The following CCDC149 variants were observed in gnomAD, a reference collection of about 807,000 sequenced individuals.
CCDC149 encodes coiled-coil domain containing 149, also known as coiled-coil domain-containing protein 149.
CCDC149 carries 45 observed loss-of-function variants against 59.9 expected under a neutral mutation model. The observed-to-expected ratio is 0.75, with a 90% CI of 0.59 to 0.96. The LOEUF (loss-of-function observed/expected upper bound fraction) is 0.96. Among genes scored for constraint, CCDC149 ranks in the 40% least tolerant of loss-of-function variants. The pLI is 0.00. For synonymous variants in CCDC149, 245 were observed against 260.6 expected (o/e 0.94, Z 0.58); for missense variants, 584 against 664.7 (o/e 0.88, Z 1.33).
At chr4:24,938,631 A>G (rs1488447931) in intron 1 of CCDC149, among the ~76,000 whole-genome samples, 3 of 152,226 alleles carry the variant, frequency 2.0e-5, no homozygotes, top group Non-Finnish European at 4.4e-5. Context: ...GGGTCAGGGA[A>G]TTCCCTTTCC....
chr4:24,828,064 G>T (rs1715876650), intron 9 of CCDC149: 1 of 151,952 alleles, frequency 6.6e-6, no homozygotes, highest in African/African-American at 2.4e-5. Context: ...CATTCCATTT[G>T]TAGTATAATT....
intron 1 of CCDC149, among the ~76,000 whole-genome samples, chr4:24,975,645 G>A (rs1724154540): frequency 6.6e-6 from 1 of 151,706 alleles, no homozygotes; most frequent in African/African-American, 2.4e-5. Flanking sequence ...TGGGGCTTGG[G>A]TCCATGCCCA....
intron 9 of CCDC149, among the ~76,000 whole-genome samples, chr4:24,825,835 A>T (rs1577385439): frequency 6.6e-6 from 1 of 152,092 alleles, no homozygotes; most frequent in East Asian, 1.9e-4. Context: ...AGCTAAGTGG[A>T]AGACGAATCT....
At chr4:24,938,806 C>T (rs1026233605) in intron 1 of CCDC149, among the ~76,000 whole-genome samples, 1 of 152,242 alleles carries the variant, frequency 6.6e-6, no homozygotes, top group African/African-American at 2.4e-5. Flanking sequence ...GTTAGCACAG[C>T]AGTCTGAGAT....
At chr4:24,973,926 C>T (rs1228416776) in intron 1 of CCDC149, among the ~76,000 whole-genome samples, 2 of 152,252 alleles carry the variant, frequency 1.3e-5, no homozygotes, top group Admixed American at 6.5e-5. Context: ...GTTCCCCTTG[C>T]AGTCCCCGAG....
At chr4:24,933,905 G>A (rs1436925258) in intron 1 of CCDC149, among the ~76,000 whole-genome samples, 1 of 152,174 alleles carries the variant, frequency 6.6e-6, no homozygotes, top group Non-Finnish European at 1.5e-5. Flanking sequence ...ACCAGTTGGA[G>A]TCAACCACTT....
intron 1 of CCDC149, among the ~76,000 whole-genome samples, chr4:24,904,855 C>T (rs4432737): frequency 0.43 from 64,716 of 151,972 alleles, 15,709 homozygotes; most frequent in Non-Finnish European, 0.54. Context: ...TTATTTAATC[C>T]TTTTGTCCAT....
At chr4:24,803,954 C>T (rs1006510954), downstream of CCDC149, among the ~76,000 whole-genome samples, 4 of 152,146 alleles carry the variant, frequency 2.6e-5, no homozygotes, top group South Asian at 8.3e-4. This position sits in a 1 kb window ranked among gnomAD's most constrained non-coding sequence, Gnocchi z 4.3. Flanking sequence ...TTCTGCTACT[C>T]ATTTCTAACT....
At chr4:24,838,410 C>T (rs1169657173) in intron 4 of CCDC149, 138 bp from the exon 5 acceptor site, 2 of 643,226 alleles carry the variant, frequency 3.1e-6, no homozygotes, top group Non-Finnish European at 5.5e-6. Flanking sequence ...CAATTACTTG[C>T]CAGTATCATC....
At chr4:24,916,972 A>G (rs1722147650), upstream of CCDC149, among the ~76,000 whole-genome samples, 1 of 152,134 alleles carries the variant, frequency 6.6e-6, no homozygotes, top group Non-Finnish European at 1.5e-5. Context: ...GGTGAGTGCC[A>G]CAGCCAGGCC....
chr4:24,940,008 A>C (rs1722907078), intron 1 of CCDC149, among the ~76,000 whole-genome samples: 1 of 152,238 alleles, frequency 6.6e-6, no homozygotes, highest in Non-Finnish European at 1.5e-5. Context: ...CAATCCAGCA[A>C]GGCAGGCCAA....
At position 24,808,814 on chromosome 4, in the gene CCDC149, C is replaced by T. The variant is rs1291074870; in HGVS notation, c.1198G>A (p.Ala400Thr). 3 of 1,546,770 alleles carry T rather than the reference C, an allele frequency of 1.9e-6. No individual in the cohort carries two copies. Among genetic ancestry groups the T allele is most frequent in the Admixed American group, 4.0e-5 (2 of 50,124 alleles). ...CTTTCATCTTCTTCTTGCTTCTGAG[C>T]CTCCCCTGAAAACAGAACGAGGACA... The change falls in exon 13 of 13, where the codon GCT becomes ACT. Residue 400 changes from alanine to threonine, a missense_variant. Physicochemically the swap from Ala to Thr is moderately conservative, Grantham distance 58. Transcript: ENST00000635206.
chr4:24,879,099 C>T (rs1215831944), intron 1 of CCDC149, among the ~76,000 whole-genome samples: 4 of 152,198 alleles, frequency 2.6e-5, no homozygotes, highest in African/African-American at 9.6e-5. Flanking sequence ...CAGGACAAAC[C>T]TTAGGCTGAA....
At chr4:24,842,249 T>A (rs1448720061) in intron 4 of CCDC149, among the ~76,000 whole-genome samples, 1 of 152,184 alleles carries the variant, frequency 6.6e-6, no homozygotes, top group African/African-American at 2.4e-5. Flanking sequence ...ATAATAAATG[T>A]TAGGGACTCT....
At position 24,835,579 on chromosome 4, in the gene CCDC149, T is replaced by C. The variant is rs935163739; in HGVS notation, c.736-547A>G. Among the ~76,000 whole-genome samples the C allele has an allele frequency of 1.5e-4, 23 of 152,238 alleles. 1 individual carries two copies. Among genetic ancestry groups the C allele is most frequent in the South Asian group, 1.2e-3 (6 of 4,832 alleles). On this transcript the variant is annotated intron_variant, in intron 7 of 12. Transcript: ENST00000635206. ...TGCTTGGCACATAGAACTGAATAAA[T>C]GTTGTTAAATGAATGCATCCACACA... is the stretch of plus-strand genomic sequence containing the variant.
chr4:24,812,727 G>A lies in CCDC149; in HGVS notation c.1193-3908C>T, dbSNP rs188683991. Among the ~76,000 whole-genome samples the A allele has an allele frequency of 1.6e-3, 248 of 152,302 alleles. 2 individuals carry two copies. The highest frequency in any genetic ancestry group is 5.7e-3 in the African/African-American group (237 of 41,560). On this transcript the variant is annotated intron_variant, in intron 12 of 12. Coordinates refer to ENST00000635206, the MANE Select transcript of CCDC149 (RefSeq NM_001330643.2). ...ACTCACAGTTCCACATGGCTGGGGA[G>A]GCCTCACAATCATGGTAGAAGACGA...
intron 8 of CCDC149, among the ~76,000 whole-genome samples, chr4:24,834,536 C>T (rs1432385353): frequency 6.6e-6 from 1 of 152,050 alleles, no homozygotes; most frequent in Non-Finnish European, 1.5e-5. Context: ...CAAAACGCAC[C>T]CTTGGAGATG....
At chr4:24,951,628 G>A (rs916752501) in intron 1 of CCDC149, among the ~76,000 whole-genome samples, 3 of 152,032 alleles carry the variant, frequency 2.0e-5, no homozygotes, top group East Asian at 3.9e-4. Flanking sequence ...CAATTTATCC[G>A]ACCAAATACA....
At chr4:24,929,536 G>A (rs1462834227) in intron 1 of CCDC149, among the ~76,000 whole-genome samples, 3 of 152,220 alleles carry the variant, frequency 2.0e-5, no homozygotes, top group Non-Finnish European at 4.4e-5. Context: ...TCTCAGAAAT[G>A]CACATCATGT....
Sources: allele counts gnomAD v4.1 joint callset (sites outside exome capture counted in the v4.1 genomes callset), GRCh38; gene constraint gnomAD v4.1.1; non-coding constraint Gnocchi (gnomAD v3.1); transcripts MANE v1.5; gene names NCBI Gene and HGNC (gene_info 2026-07-23, HGNC 2026-07-21).